The following MED13L variants were observed in gnomAD, a reference collection of about 807,000 sequenced individuals.
The protein encoded by MED13L is mediator complex subunit 13L, also known as mediator of RNA polymerase II transcription subunit 13-like.
A neutral mutation model predicts 220.9 loss-of-function variants in MED13L; 7 were observed. The observed-to-expected ratio is 0.03, with a 90% CI of 0.02 to 0.06. The LOEUF (loss-of-function observed/expected upper bound fraction) is 0.06. Ranked by LOEUF, MED13L falls within the 10% of genes least tolerant of loss-of-function variation. The pLI is 1.00. For synonymous variants in MED13L, 1,011 were observed against 1,015.2 expected, an observed-to-expected ratio of 1.00 and a Z score of 0.08; for missense variants, 1,965 against 2,760.5, an observed-to-expected ratio of 0.71 and a Z score of 6.46.
chr12:116,074,147 C>A (rs1321726090), intron 4 of MED13L, among the ~76,000 whole-genome samples: 1 of 152,210 alleles, frequency 6.6e-6, no homozygotes, highest in Non-Finnish European at 1.5e-5. Flanking sequence ...GTAATCCCAG[C>A]ACTTTGGGAC....
At chr12:116,205,876 T>C (rs1322423098) in intron 2 of MED13L, among the ~76,000 whole-genome samples, 1 of 151,442 alleles carries the variant, frequency 6.6e-6, no homozygotes, top group Non-Finnish European at 1.5e-5. Context: ...CATTAAAATA[T>C]ATTTAATATA....
At chr12:116,251,639 T>C (rs182847714) in intron 1 of MED13L, among the ~76,000 whole-genome samples, 8 of 151,096 alleles carry the variant, frequency 5.3e-5, no homozygotes, top group South Asian at 2.1e-4. Flanking sequence ...CAGGCGCCCA[T>C]AGTCCCAGCT....
rs1325524709 is a variant in MED13L at position 116,019,335 on chromosome 12, T to A, written c.898A>T (p.Ser300Cys). ...NDIPVPQSVA[S>C]AGGHIAVGQQ... is the part of the protein sequence containing the mutation. ...CCAACTGCAATGTGGCCTCCAGCAC[T>A]GGCAACACTCTGAGGAACCGGGATG... The change falls in exon 7 of 31, where the codon AGT becomes TGT. Residue 300 changes from serine (S) to cysteine (C), a missense_variant. Around this residue, in one of 10 missense-constraint regions of MED13L, gnomAD observed 818 missense variants for 1,041.2 expected, o/e 0.79. Coordinates refer to ENST00000281928, the MANE Select transcript of MED13L (RefSeq NM_015335.5). 5 of 1,613,894 alleles carry A rather than the reference T, an allele frequency of 3.1e-6. No individual in the cohort carries two copies. The South Asian group carries it at 4.4e-5, about 14-fold the overall frequency.
At chr12:116,012,290 G>A (rs1448867770) in intron 9 of MED13L, among the ~76,000 whole-genome samples, 4 of 152,180 alleles carry the variant, frequency 2.6e-5, no homozygotes, top group Non-Finnish European at 5.9e-5. Flanking sequence ...AGCAATCTGA[G>A]GACGTATCCA....
chr12:116,160,647 C>T (rs1477625205), intron 2 of MED13L, among the ~76,000 whole-genome samples: 1 of 152,056 alleles, frequency 6.6e-6, no homozygotes. Flanking sequence ...ATGATCAGAG[C>T]TCCCTGTAGC....
intron 4 of MED13L, among the ~76,000 whole-genome samples, chr12:116,025,015 T>G (rs544623073): frequency 3.0e-4 from 46 of 152,322 alleles, no homozygotes; most frequent in Admixed American, 3.0e-3. Flanking sequence ...TCATGCTATT[T>G]TGGTCACTAC....
At chr12:116,222,477 AC>A (rs1181734931) in intron 2 of MED13L, among the ~76,000 whole-genome samples, 2 of 152,172 alleles carry the variant, frequency 1.3e-5, no homozygotes, top group African/African-American at 2.4e-5. Flanking sequence ...AAAATCCATG[AC>A]CTATGCTGTA....
chr12:116,171,401 A>C (rs1241786800), intron 2 of MED13L, among the ~76,000 whole-genome samples: 1 of 152,220 alleles, frequency 6.6e-6, no homozygotes, highest in Non-Finnish European at 1.5e-5. Flanking sequence ...CTTCACCTAC[A>C]ACTTACATCT....
chr12:115,974,179 G>A (rs935076315), intron 25 of MED13L, among the ~76,000 whole-genome samples: 3 of 152,146 alleles, frequency 2.0e-5, no homozygotes, highest in Non-Finnish European at 4.4e-5. Flanking sequence ...CCGCTTTGAC[G>A]TTACAACGGC....
chr12:116,126,273 G>A (rs1013843871), intron 2 of MED13L, among the ~76,000 whole-genome samples: 1 of 152,228 alleles, frequency 6.6e-6, no homozygotes, highest in Non-Finnish European at 1.5e-5. Flanking sequence ...TACAGTCGCA[G>A]TGGTGTGAAT....
At position 116,257,082 on chromosome 12, in the gene MED13L, T is replaced by C. The variant is rs192523723; in HGVS notation, c.73-19377A>G. On this transcript the variant is annotated intron_variant, in intron 1 of 30. Coordinates refer to ENST00000281928, the MANE Select transcript of MED13L (RefSeq NM_015335.5). ...TATTTTCAAATAAATTATTTTCATG[T>C]CTGACTACTTCAGGACACTGATTAA... 1.7e-3 allele frequency among the ~76,000 whole-genome samples: 263 copies of C among 152,360 alleles called. 3 individuals carry two copies. The highest frequency in any genetic ancestry group is 0.01 in the Middle Eastern group (3 of 294).
At chr12:116,253,425 G>T (rs138867274) in intron 1 of MED13L, among the ~76,000 whole-genome samples, 2 of 151,902 alleles carry the variant, frequency 1.3e-5, no homozygotes, top group African/African-American at 2.4e-5. Flanking sequence ...GAAAACAAAG[G>T]AGGGACTATT....
chr12:115,983,096 C>T (rs1283098479), intron 21 of MED13L, 21 bp downstream of exon 21: 1 of 1,612,246 alleles, frequency 6.2e-7, no homozygotes, highest in African/African-American at 1.3e-5. Flanking sequence ...AGCCACTCAT[C>T]TCAATTAGTG....
chr12:116,191,729 T>C (rs1881300905), intron 2 of MED13L, among the ~76,000 whole-genome samples: 1 of 151,966 alleles, frequency 6.6e-6, no homozygotes, highest in Non-Finnish European at 1.5e-5. Context: ...ATCTATAATC[T>C]CAGCACTTTG....
intron 1 of MED13L, 37 bp downstream of exon 1, chr12:116,277,023 C>CA: frequency 2.2e-6 from 3 of 1,345,876 alleles, no homozygotes; most frequent in Non-Finnish European, 3.1e-6. Context: ...CCCCCCCTTC[C>CA]CCGGCACAGC....
chr12:116,100,979 T>C (rs894252746), intron 3 of MED13L, among the ~76,000 whole-genome samples: 14 of 152,138 alleles, frequency 9.2e-5, no homozygotes, highest in African/African-American at 2.9e-4. Flanking sequence ...AGAAAAAATG[T>C]GTGGAAGAGC....
At chr12:116,047,700 C>T (rs534673225) in intron 4 of MED13L, among the ~76,000 whole-genome samples, 3 of 152,286 alleles carry the variant, frequency 2.0e-5, no homozygotes, top group South Asian at 2.1e-4. Context: ...GTTTAACTAA[C>T]GGTTTCTGTC....
intron 1 of MED13L, among the ~76,000 whole-genome samples, chr12:116,251,258 T>C (rs185781349): frequency 3.5e-5 from 5 of 142,818 alleles, no homozygotes; most frequent in Admixed American, 7.0e-5. Flanking sequence ...ATATTAAATA[T>C]AAATTCTCTA....
Position 116,006,423 on chromosome 12 carries a change from A to AT in MED13L, c.2239-13dup, listed in dbSNP as rs765408643. ...AATCCATCCTCTGACTGTATAATAA[A>AT]TTCAGCCAAACAAAACACATGAACA... On this transcript the variant is annotated splice_polypyrimidine_tract_variant and intron_variant, in intron 11 of 30. Transcript: ENST00000281928. 1.9e-6 allele frequency: 3 copies of AT among 1,609,316 alleles called. No homozygotes were observed. The highest frequency in any genetic ancestry group is 2.6e-6 in the Non-Finnish European group (3 of 1,175,670).
Sources: gnomAD v4.1 joint callset for allele counts (sites outside exome capture counted in the v4.1 genomes callset) on GRCh38, gnomAD v4.1.1 for gene constraint, gnomAD v4.1.1 regional missense constraint, MANE v1.5 for transcripts, NCBI Gene and HGNC (gene_info 2026-07-23, HGNC 2026-07-21) for gene names.